Variants in PRODH2 observed in about 807,000 individuals in gnomAD.
PRODH2 encodes hydroxyproline dehydrogenase.
In PRODH2, 49 loss-of-function variants were observed where a neutral mutation model predicts 51.9. The ratio of observed to expected loss-of-function variants is 0.94; its 90% CI spans 0.75 to 1.20. The LOEUF (loss-of-function observed/expected upper bound fraction) is 1.20, where lower values mean the gene tolerates loss of function less well. PRODH2 is among the 50% of genes most tolerant of loss of function. The pLI is 0.00. For synonymous variants in PRODH2, 249 were observed against 260.7 expected (o/e 0.96, Z 0.43); for missense variants, 597 against 610.9 (o/e 0.98, Z 0.24).
chr19:35,806,793 G>A lies in PRODH2; in HGVS notation c.716C>T (p.Ala239Val), dbSNP rs754987021. The change falls in exon 6 of 10, where the codon GCG (alanine) becomes GTG (valine). Residue 239 changes from alanine to valine, a missense_variant. Ala to Val is a moderately conservative substitution (Grantham distance 64). Transcript: ENST00000653904. ...CGCAGGGTTCAGTGAGGTGTACTCCGCATCCACCAGGAGCCGCACGTGCTG... is the reference window on the plus strand; with the variant it reads ...CGCAGGGTTCAGTGAGGTGTACTCCACATCCACCAGGAGCCGCACGTGCTG... ...RAQHVRLLVD[A>V]EYTSLNPALS... 4.8e-5 allele frequency: 78 copies of A among 1,611,730 alleles called. No individual in the cohort carries two copies. The highest frequency in any genetic ancestry group is 6.0e-5 in the Non-Finnish European group (71 of 1,179,112).
intron 9 of PRODH2, among the ~76,000 whole-genome samples, chr19:35,801,338 C>T (rs774693976): frequency 4.0e-5 from 6 of 151,866 alleles, no homozygotes; most frequent in Non-Finnish European, 5.9e-5. Flanking sequence ...TGGTGGCAGC[C>T]GTCTGTAATC....
chr19:35,812,839 G>T lies in PRODH2; in HGVS notation c.-34C>A, dbSNP rs139608436. 3.2e-6 allele frequency: 5 copies of T among 1,543,566 alleles called. No homozygotes were observed. The highest frequency in any genetic ancestry group is 2.8e-5 in the African/African-American group (2 of 72,702). Reference sequence around the variant, plus strand: ...CCTGGCTGCCTCCACACCAGGGAAGGTTCTCTGGAGGCAGCAAGTTCACCA... The same window carrying T: ...CCTGGCTGCCTCCACACCAGGGAAGTTTCTCTGGAGGCAGCAAGTTCACCA... On this transcript the variant is annotated 5_prime_UTR_variant, in exon 1 of 10. Coordinates refer to ENST00000653904, the MANE Select transcript of PRODH2 (RefSeq NM_021232.2).
At chr19:35,807,816 C>A (rs954830349) in intron 4 of PRODH2, among the ~76,000 whole-genome samples, 1 of 152,066 alleles carries the variant, frequency 6.6e-6, no homozygotes, top group Admixed American at 6.6e-5. Flanking sequence ...TGCTGTGTTG[C>A]CCAGGCTGGA....
intron 4 of PRODH2, among the ~76,000 whole-genome samples, chr19:35,807,346 A>G (rs1258342591): frequency 6.6e-6 from 1 of 152,142 alleles, no homozygotes; most frequent in African/African-American, 2.4e-5. Context: ...TCTGTTGCCC[A>G]GGCTGGAGTG....
intron 4 of PRODH2, among the ~76,000 whole-genome samples, chr19:35,807,847 C>T (rs1972539643): frequency 1.3e-5 from 2 of 152,116 alleles, no homozygotes; most frequent in Non-Finnish European, 2.9e-5. Context: ...ACGATCATGG[C>T]TCACTGCAGC....
chr19:35,802,702 T>C (rs1284889379), intron 8 of PRODH2, among the ~76,000 whole-genome samples: 2 of 151,542 alleles, frequency 1.3e-5, no homozygotes, highest in Non-Finnish European at 2.9e-5. Context: ...ACTACAGGTG[T>C]GCGCCACCAC....
At chr19:35,807,523 G>A (rs751492519) in intron 4 of PRODH2, among the ~76,000 whole-genome samples, 25 of 151,268 alleles carry the variant, frequency 1.7e-4, no homozygotes, top group African/African-American at 3.2e-4. Flanking sequence ...GGCTGGTCTC[G>A]AACTCCTGAC....
At chr19:35,808,415 C>A (rs932337170) in intron 4 of PRODH2, among the ~76,000 whole-genome samples, 9 of 152,164 alleles carry the variant, frequency 5.9e-5, no homozygotes, top group Non-Finnish European at 1.0e-4. Flanking sequence ...CACCTGGAGG[C>A]AGGTTGGGCT....
At chr19:35,809,742 C>CTT (rs1972571172) in intron 4 of PRODH2, among the ~76,000 whole-genome samples, 1 of 151,562 alleles carries the variant, frequency 6.6e-6, no homozygotes, top group Non-Finnish European at 1.5e-5. Context: ...ACGTGGATCA[C>CTT]GAGGTCAGGA....
chr19:35,809,964 A>AG (rs1298314975), intron 4 of PRODH2, among the ~76,000 whole-genome samples: 1 of 130,184 alleles, frequency 7.7e-6, no homozygotes, highest in Non-Finnish European at 1.6e-5. Flanking sequence ...GCTTCAAAAA[A>AG]AAAAAAAAAA....
Position 35,806,952 on chromosome 19 carries a change from G to A in PRODH2, c.678+89C>T, listed in dbSNP as rs530426157. 1.4e-4 allele frequency: 210 copies of A among 1,542,020 alleles called. No individual in the cohort carries two copies. The African/African-American group carries it at 2.7e-3, about 20-fold the overall frequency. Reference sequence around the variant, plus strand: ...AGGCGGCTGAGGGAGGCCCGGAGGTGCTGGTTCCAGCAGGAGGGGTTACCT... The same window carrying A: ...AGGCGGCTGAGGGAGGCCCGGAGGTACTGGTTCCAGCAGGAGGGGTTACCT... On this transcript the variant is annotated intron_variant, in intron 5 of 9. Transcript: ENST00000653904.
At chr19:35,803,872 G>A (rs763124868) in intron 7 of PRODH2, among the ~76,000 whole-genome samples, 3 of 152,184 alleles carry the variant, frequency 2.0e-5, no homozygotes, top group Non-Finnish European at 2.9e-5. Context: ...AAATAGATTG[G>A]CAAACACCTT....
intron 9 of PRODH2, among the ~76,000 whole-genome samples, chr19:35,800,984 T>C (rs1297408177): frequency 6.6e-6 from 1 of 151,654 alleles, no homozygotes; most frequent in Non-Finnish European, 1.5e-5. Context: ...CTGGCCAACA[T>C]GGTGAAACCC....
chr19:35,800,212 G>C lies in PRODH2; in HGVS notation c.1209C>G (p.Gly403=), dbSNP rs745644342. 1.9e-6 allele frequency: 3 copies of C among 1,581,088 alleles called. No homozygotes were observed. The highest frequency in any genetic ancestry group is 2.6e-6 in the Non-Finnish European group (3 of 1,163,008). ...DHVSLALGQA[G]YVVYKSIPYG... ...AGGGAATGGACTTATACACTACATA[G>C]CCGGCCTGCCCTGCAGGGAGAGTGG... Residue 403 remains glycine, a synonymous_variant, in exon 10 of 10, where the codon GGC becomes GGG. Coordinates refer to ENST00000653904, the MANE Select transcript of PRODH2 (RefSeq NM_021232.2).
intron 4 of PRODH2, among the ~76,000 whole-genome samples, chr19:35,808,178 A>G (rs1178037115): frequency 2.0e-5 from 3 of 152,212 alleles, no homozygotes; most frequent in African/African-American, 7.2e-5. Flanking sequence ...TTCAGCAAAC[A>G]CTTCGGGAGT....
chr19:35,809,270 A>C (rs995629679), intron 4 of PRODH2, among the ~76,000 whole-genome samples: 1 of 152,026 alleles, frequency 6.6e-6, no homozygotes, highest in Non-Finnish European at 1.5e-5. Context: ...ATTTAAAGGA[A>C]TTTTTTGTAG....
intron 7 of PRODH2, among the ~76,000 whole-genome samples, chr19:35,803,849 G>A (rs1972469063): frequency 6.6e-6 from 1 of 152,218 alleles, no homozygotes; most frequent in Non-Finnish European, 1.5e-5. Flanking sequence ...TCTGGGTACT[G>A]ATATGGAAGA....
In PRODH2 at chr19:35,806,769, G is replaced by A. The variant is rs148996461; in HGVS notation, c.740C>T (p.Ala247Val). The A allele has an allele frequency of 1.3e-3, 2,071 of 1,613,410 alleles. 10 individuals are homozygous for A. In the Middle Eastern group the frequency reaches 0.018, roughly 14 times the overall value. Residue 247 changes from alanine (A) to valine (V), a missense_variant, in exon 6 of 10, where the codon GCG becomes GTG. Coordinates refer to ENST00000653904, the MANE Select transcript of PRODH2 (RefSeq NM_021232.2). The stretch of plus-strand genomic sequence containing the variant: ...CAGGGCAGCCACCAGCAGCGAGAGC[G>A]CAGGGTTCAGTGAGGTGTACTCCGC... ...VDAEYTSLNP[A>V]LSLLVAALAV...
chr19:35,802,331 G>A (rs1972446236), intron 8 of PRODH2, 55 bp from the exon 9 acceptor site: 1 of 1,517,844 alleles, frequency 6.6e-7, no homozygotes, highest in Admixed American at 1.7e-5. Flanking sequence ...ACAGCTTAAA[G>A]TCAGCCACTA....
Sources: gnomAD v4.1 joint callset for allele counts (sites outside exome capture counted in the v4.1 genomes callset) on GRCh38, gnomAD v4.1.1 for gene constraint, MANE v1.5 for transcripts, NCBI Gene and HGNC (gene_info 2026-07-23, HGNC 2026-07-21) for gene names.